PRKCI: variants seen among roughly 807,000 people sequenced by gnomAD.
PRKCI encodes protein kinase C iota type.
In PRKCI, 43 loss-of-function variants were observed where a neutral mutation model predicts 84.0. The observed-to-expected ratio is 0.51, with a 90% CI of 0.40 to 0.66. The LOEUF (loss-of-function observed/expected upper bound fraction) is 0.66. Ranked by LOEUF, PRKCI falls within the 30% of genes least tolerant of loss-of-function variation. PRKCI has a pLI of 0.00. For synonymous variants in PRKCI, 216 were observed against 234.4 expected (o/e 0.92, Z 0.72); for missense variants, 459 against 745.6 (o/e 0.62, Z 4.48).
intron 17 of PRKCI, among the ~76,000 whole-genome samples, chr3:170,302,262 A>G (rs943513763): frequency 6.6e-6 from 1 of 152,190 alleles, no homozygotes; most frequent in African/African-American, 2.4e-5. Flanking sequence ...CATTCCATTC[A>G]TTAAGTGTTT....
chr3:170,239,450 A>G (rs750467849), intron 2 of PRKCI, among the ~76,000 whole-genome samples: 22 of 152,304 alleles, frequency 1.4e-4, no homozygotes, highest in Non-Finnish European at 2.2e-4. Flanking sequence ...ATTTCATACC[A>G]TTTATTTGCT....
rs1486090498 is a variant in PRKCI, at chr3:170,268,008, T to A, written c.450+8T>A. 6.3e-7 allele frequency: 1 copy of A among 1,598,676 alleles called. No homozygotes were observed. Among genetic ancestry groups the A allele is most frequent in the Non-Finnish European group, 8.5e-7 (1 of 1,170,534 alleles). On this transcript the variant is annotated splice_region_variant and intron_variant, in intron 5 of 17. Transcript: ENST00000295797. ...GCCAAGCGTTTCAACAGGGTAAACA[T>A]AGTTTGTTGAATGTCGATAATGTGA...
Position 170,280,211 on chromosome 3 carries a change from C to T in PRKCI, c.706-16C>T, listed in dbSNP as rs1331308371. ...AGCATTTCCCATTATAACTCTGATA[C>T]AAATGTTCTCAACAGGCAATGAACA... On this transcript the variant is annotated splice_polypyrimidine_tract_variant and intron_variant, in intron 8 of 17. Coordinates refer to ENST00000295797, the MANE Select transcript of PRKCI (RefSeq NM_002740.6). The T allele has an allele frequency of 2.5e-6, 4 of 1,601,160 alleles. No individual in the cohort carries two copies. The African/African-American group carries it at 4.0e-5, about 16-fold the overall frequency.
rs1163843606 is a variant in PRKCI at position 170,305,322 on chromosome 3, A to T, written c.*2195A>T. 2.0e-5 allele frequency: 3 copies of T among 152,712 alleles called. No individual in the cohort carries two copies. In the East Asian group the frequency reaches 5.8e-4, roughly 29 times the overall value. The allele number at this position is 152,712 out of a possible 1,614,324, so 9.5% of individuals were successfully genotyped here. A position where few individuals can be genotyped will look rare whatever the true frequency, so the allele number is the denominator to read the frequency against. On this transcript the variant is annotated 3_prime_UTR_variant, in exon 18 of 18. Coordinates refer to ENST00000295797, the MANE Select transcript of PRKCI (RefSeq NM_002740.6). Reference sequence around the variant, plus strand: ...AAATACCTTCTTCAGGTTATTCTTTATGTTTGTCCTGTGGTTAAATATTAG... The same window carrying T: ...AAATACCTTCTTCAGGTTATTCTTTTTGTTTGTCCTGTGGTTAAATATTAG...
chr3:170,267,704 A>G lies in PRKCI; in HGVS notation c.365-211A>G, dbSNP rs572477737. On this transcript the variant is annotated intron_variant, in intron 4 of 17. Transcript: ENST00000295797. ...AAAAAAAAAAAAAAAAAGGACAAGC[A>G]GTAGGCAGTAGTAGTCAAATATTTA... 4.0e-5 allele frequency among the ~76,000 whole-genome samples: 6 copies of G among 149,956 alleles called. No homozygotes were observed. In the South Asian group the frequency reaches 6.3e-4, roughly 16 times the overall value.
chr3:170,234,778 T>C (rs1002883726), intron 1 of PRKCI, among the ~76,000 whole-genome samples: 1 of 152,132 alleles, frequency 6.6e-6, no homozygotes, highest in South Asian at 2.1e-4. Context: ...AGTGTGTATA[T>C]ATGTATTTGA....
chr3:170,272,781 A>G (rs1483796577), intron 6 of PRKCI, among the ~76,000 whole-genome samples: 1 of 152,098 alleles, frequency 6.6e-6, no homozygotes, highest in Non-Finnish European at 1.5e-5. Flanking sequence ...ATTCGCCATT[A>G]TTTGGGTAAG....
At chr3:170,287,171 CA>C (rs1560183691) in intron 12 of PRKCI, among the ~76,000 whole-genome samples, 2 of 151,880 alleles carry the variant, frequency 1.3e-5, no homozygotes, top group African/African-American at 4.8e-5. Context: ...TCCATCTCTA[CA>C]AAAAATAGGA....
Position 170,222,701 on chromosome 3 carries a change from C to T in PRKCI, c.32C>T (p.Ser11Phe), listed in dbSNP as rs1215675569. ...ACCCAGAGGGACAGCAGCACCATGTCCCACACGGTCGCAGGCGGCGGCAGC... is the reference window on the plus strand; with the variant it reads ...ACCCAGAGGGACAGCAGCACCATGTTCCACACGGTCGCAGGCGGCGGCAGC... MPTQRDSSTM[S>F]HTVAGGGSGD... Residue 11 changes from serine (S) to phenylalanine (F), a missense_variant, in exon 1 of 18, where the codon TCC becomes TTC. Around this residue, in one of 2 missense-constraint regions of PRKCI, gnomAD observed 250 missense variants for 319.7 expected, o/e 0.78. Coordinates refer to ENST00000295797, the MANE Select transcript of PRKCI (RefSeq NM_002740.6). The T allele has an allele frequency of 3.1e-6, 5 of 1,609,264 alleles. No individual in the cohort carries two copies. Among genetic ancestry groups the T allele is most frequent in the South Asian group, 2.2e-5 (2 of 90,286 alleles).
chr3:170,243,246 A>G (rs1733181236), intron 2 of PRKCI, among the ~76,000 whole-genome samples: 1 of 152,096 alleles, frequency 6.6e-6, no homozygotes, highest in South Asian at 2.1e-4. Context: ...GCTACTACTA[A>G]TCTGCTTTCT....
At chr3:170,235,451 G>T in intron 2 of PRKCI, 100 bp downstream of exon 2, 1 of 1,276,958 alleles carries the variant, frequency 7.8e-7, no homozygotes, top group Non-Finnish European at 1.1e-6. Context: ...TAAGAGGAAA[G>T]ACTATTAGAA....
chr3:170,284,411 A>G, intron 11 of PRKCI, 50 bp from the exon 12 acceptor site: 1 of 1,424,844 alleles, frequency 7.0e-7, no homozygotes, highest in East Asian at 2.3e-5. Flanking sequence ...TTGTAAATGT[A>G]GAACTTAAAT....
At chr3:170,262,836 T>C (rs1208486798) in intron 3 of PRKCI, among the ~76,000 whole-genome samples, 78 of 137,180 alleles carry the variant, frequency 5.7e-4, no homozygotes, top group East Asian at 9.7e-4. Context: ...TTCTTTCTTT[T>C]TTTTTTTTTT....
Position 170,267,918 on chromosome 3 carries a change from C to A in PRKCI, c.368C>A (p.Ser123Tyr). Residue 123 changes from serine to tyrosine, a missense_variant, in exon 5 of 18, where the codon TCC becomes TAC. By Grantham distance (144) the Ser-to-Tyr change is moderately radical. Transcript: ENST00000295797. ...TTAACTATTACTCTGTCTTCAGAAT[C>A]CATCTACCGTAGAGGTGCACGCCGC... ...PGMPCPGEDK[S>Y]IYRRGARRWR... The A allele has an allele frequency of 6.3e-7, 1 of 1,595,364 alleles. No homozygotes were observed. The highest frequency in any genetic ancestry group is 8.5e-7 in the Non-Finnish European group (1 of 1,169,682).
chr3:170,296,969 T>G (rs918370681), intron 15 of PRKCI, among the ~76,000 whole-genome samples: 2 of 152,184 alleles, frequency 1.3e-5, no homozygotes, highest in African/African-American at 2.4e-5. Context: ...TTTGGAGGTT[T>G]GCATGTTTTG....
chr3:170,241,118 G>C (rs925394327), intron 2 of PRKCI, among the ~76,000 whole-genome samples: 23 of 152,056 alleles, frequency 1.5e-4, no homozygotes, highest in African/African-American at 5.3e-4. Context: ...TTCAATACAT[G>C]TATATGTTGT....
intron 1 of PRKCI, among the ~76,000 whole-genome samples, chr3:170,233,027 G>T (rs967936336): frequency 1.4e-5 from 2 of 146,884 alleles, no homozygotes; most frequent in Non-Finnish European, 3.1e-5. Flanking sequence ...TTAATAATTT[G>T]GGGGGTGATA....
At chr3:170,291,136 CA>C (rs35556777) in intron 12 of PRKCI, among the ~76,000 whole-genome samples, 122,352 of 145,984 alleles carry the variant, frequency 0.84, 50,849 homozygotes, top group African/African-American at 0.89. Flanking sequence ...ACTCTGTCTC[CA>C]AAAAAAAAAA....
intron 1 of PRKCI, among the ~76,000 whole-genome samples, chr3:170,228,560 G>C (rs1301634766): frequency 6.6e-6 from 1 of 151,822 alleles, no homozygotes; most frequent in African/African-American, 2.4e-5. Flanking sequence ...GGGCAACAGA[G>C]TGAGACCCTG....
Sources: allele counts gnomAD v4.1 joint callset (sites outside exome capture counted in the v4.1 genomes callset), GRCh38; gene constraint gnomAD v4.1.1; regional missense constraint gnomAD v4.1.1; transcripts MANE v1.5; gene names NCBI Gene and HGNC (gene_info 2026-07-23, HGNC 2026-07-21).